Variants in HFM1 observed in about 807,000 individuals in gnomAD.
The protein encoded by HFM1 is helicase for meiosis 1.
A neutral mutation model predicts 192.1 loss-of-function variants in HFM1; 169 were observed. The ratio of observed to expected loss-of-function variants is 0.88; its 90% confidence interval spans 0.78 to 1.00. The LOEUF (loss-of-function observed/expected upper bound fraction) is 1.00, where lower values mean the gene tolerates loss of function less well. Ranked by LOEUF, HFM1 falls within the 50% of genes least tolerant of loss-of-function variation. The pLI is 0.00. For synonymous variants in HFM1, 525 were observed against 537.8 expected, an observed-to-expected ratio of 0.98 and a Z score of 0.33; for missense variants, 1,661 against 1,668.0, an observed-to-expected ratio of 1.00 and a Z score of 0.07.
At chr1:91,285,538 G>C (rs1298676943) in intron 30 of HFM1, among the ~76,000 whole-genome samples, 3 of 152,152 alleles carry the variant, frequency 2.0e-5, no homozygotes, top group African/African-American at 7.2e-5. Context: ...AATTGTGTCA[G>C]TTACTAAGAA....
rs142253234 is a variant in HFM1, at chr1:91,315,835, T to G, written c.3120A>C (p.Val1040=). ...CTTACGTAATCTTGTGCAGATAAAC[T>G]ACTTGATTATCTGCGTCACCTATGA... is the stretch of plus-strand genomic sequence containing the variant. ...TLIIGDADNQ[V]VYLHKITDSV... Residue 1040 remains valine, a synonymous_variant, in exon 28 of 39, where the codon GTA becomes GTC. Transcript: ENST00000370425. The G allele has an allele frequency of 5.2e-4, 832 of 1,609,730 alleles. No individual in the cohort carries two copies. The highest frequency in any genetic ancestry group is 6.7e-4 in the Non-Finnish European group (786 of 1,177,336).
At chr1:91,289,336 G>A (rs1668429439) in intron 30 of HFM1, among the ~76,000 whole-genome samples, 1 of 151,866 alleles carries the variant, frequency 6.6e-6, no homozygotes, top group Non-Finnish European at 1.5e-5. Context: ...TCACTTCCTA[G>A]ACGGGATGAC....
intron 9 of HFM1, 32 bp from the exon 10 acceptor site, chr1:91,378,512 A>C (rs757521306): frequency 7.9e-6 from 10 of 1,262,966 alleles, no homozygotes; most frequent in Non-Finnish European, 1.2e-5. Flanking sequence ...CAAGTAGTTT[A>C]ATGTGATAAG....
chr1:91,358,539 AT>A (rs1658049933), intron 13 of HFM1, among the ~76,000 whole-genome samples: 1 of 152,294 alleles, frequency 6.6e-6, no homozygotes, highest in Admixed American at 6.5e-5. Context: ...ACCAAAAAAA[AT>A]GGGGAAACAA....
intron 30 of HFM1, among the ~76,000 whole-genome samples, chr1:91,288,970 C>A (rs1668361640): frequency 1.3e-5 from 2 of 151,638 alleles, no homozygotes; most frequent in East Asian, 2.0e-4. Flanking sequence ...AGGCGCCCCC[C>A]ACCTCCCGGA....
At chr1:91,276,840 T>A (rs1666867916) in intron 31 of HFM1, 97 bp from the exon 32 acceptor site, 1 of 818,230 alleles carries the variant, frequency 1.2e-6, no homozygotes, top group South Asian at 2.0e-5. Context: ...ATTTACTTTT[T>A]TCATGTTGCC....
chr1:91,405,240 C>G (rs993299665), upstream of HFM1, among the ~76,000 whole-genome samples: 1 of 152,094 alleles, frequency 6.6e-6, no homozygotes, highest in Non-Finnish European at 1.5e-5. Flanking sequence ...GAACTTGATT[C>G]AGAAATAAAG....
Position 91,276,763 on chromosome 1 carries a change from A to T in HFM1, c.3473-20T>A. The T allele has an allele frequency of 5.2e-6, 6 of 1,153,112 alleles. No homozygotes were observed. Among genetic ancestry groups the T allele is most frequent in the Non-Finnish European group, 7.4e-6 (6 of 812,326 alleles). The allele number at this position is 1,153,112 out of a possible 1,614,324, so 71.4% of individuals were successfully genotyped here. On this transcript the variant is annotated intron_variant, in intron 31 of 38. Coordinates refer to ENST00000370425, the MANE Select transcript of HFM1 (RefSeq NM_001017975.6). ...TTTTACCTATGAAAAGAAACTTCAG[A>T]TTCTTTAGGTTAAACTTCAGATCTT... is the stretch of plus-strand genomic sequence containing the variant.
chr1:91,313,437 T>C lies in HFM1; in HGVS notation c.3303A>G (p.Gly1101=), dbSNP rs1162317771. The C allele has an allele frequency of 1.9e-6, 3 of 1,602,048 alleles. No individual in the cohort carries two copies. The highest frequency in any genetic ancestry group is 1.7e-6 in the Non-Finnish European group (2 of 1,172,056). The change falls in exon 30 of 39, where the codon GGA becomes GGG. Residue 1101 remains glycine (G), a synonymous_variant. Coordinates refer to ENST00000370425, the MANE Select transcript of HFM1 (RefSeq NM_001017975.6). ...TVFYLEPKRF[G]NQITMQRKSE... is the part of the protein sequence containing the mutation. Reference sequence around the variant, plus strand: ...ATTTTCTTTGCATAGTGATTTGATTTCCAAACCTCTTGGGTTCTAAGTAAA... The same window carrying C: ...ATTTTCTTTGCATAGTGATTTGATTCCCAAACCTCTTGGGTTCTAAGTAAA...
intron 13 of HFM1, among the ~76,000 whole-genome samples, chr1:91,366,893 C>T (rs553904280): frequency 2.6e-5 from 4 of 152,220 alleles, no homozygotes; most frequent in Non-Finnish European, 5.9e-5. Context: ...CCTGGAAAAT[C>T]GGGTCACTCC....
intron 1 of HFM1, among the ~76,000 whole-genome samples, chr1:91,404,319 C>T (rs1216404534): frequency 6.6e-6 from 1 of 152,220 alleles, no homozygotes; most frequent in African/African-American, 2.4e-5. Context: ...CCTTAGGGCC[C>T]CGAGAGTGGC....
At chr1:91,356,710 C>A in intron 13 of HFM1, among the ~76,000 whole-genome samples, 1 of 79,082 alleles carries the variant, frequency 1.3e-5, no homozygotes. Context: ...AAATATCTAG[C>A]TAGACTAAGG....
chr1:91,319,429 G>T, intron 23 of HFM1, 39 bp from the exon 24 acceptor site: 3 of 1,254,726 alleles, frequency 2.4e-6, no homozygotes, highest in South Asian at 2.4e-5. Context: ...CCTTTTAAGG[G>T]TTATCTATCT....
intron 4 of HFM1, among the ~76,000 whole-genome samples, chr1:91,386,709 TATTTAA>T (rs200598747): frequency 0.099 from 15,114 of 152,156 alleles, 791 homozygotes; most frequent in East Asian, 0.16. Context: ...CACCTAATAG[TATTTAA>T]ATTTAACTGA....
chr1:91,295,496 C>A (rs1055720955), intron 30 of HFM1, among the ~76,000 whole-genome samples: 2 of 152,164 alleles, frequency 1.3e-5, no homozygotes, highest in African/African-American at 4.8e-5. Context: ...TATAAGAACA[C>A]CAGGCATATT....
At chr1:91,407,782 T>G (rs1284006634), upstream of HFM1, among the ~76,000 whole-genome samples, 1 of 152,122 alleles carries the variant, frequency 6.6e-6, no homozygotes, top group Non-Finnish European at 1.5e-5. Flanking sequence ...TACCTAGGAG[T>G]GGAATTGCTG....
rs534387149 is a variant in HFM1 at position 91,293,059 on chromosome 1, G to T, written c.3392-15997C>A. On this transcript the variant is annotated intron_variant, in intron 30 of 38. Coordinates refer to ENST00000370425, the MANE Select transcript of HFM1 (RefSeq NM_001017975.6). ...CCTTATACAAAAATTAATTCAAGATGGATTAAAGACTTGAACGTTAGACCT... is the reference window on the plus strand; with the variant it reads ...CCTTATACAAAAATTAATTCAAGATTGATTAAAGACTTGAACGTTAGACCT... Among the ~76,000 whole-genome samples, 166 of 152,184 alleles carry T rather than the reference G, an allele frequency of 1.1e-3. 1 individual carries two copies. In the East Asian group the frequency reaches 0.026, roughly 24 times the overall value.
At chr1:91,334,388 A>G (rs1191100549) in intron 20 of HFM1, among the ~76,000 whole-genome samples, 1 of 152,202 alleles carries the variant, frequency 6.6e-6, no homozygotes, top group African/African-American at 2.4e-5. Context: ...TGTGTTACCT[A>G]TTTTTATTAT....
At chr1:91,310,076 G>GT (rs1320872091) in intron 30 of HFM1, among the ~76,000 whole-genome samples, 1 of 151,946 alleles carries the variant, frequency 6.6e-6, no homozygotes, top group Non-Finnish European at 1.5e-5. Flanking sequence ...GGACTCAGGA[G>GT]TTAATCTGGT....
Sources: gnomAD v4.1 joint callset for allele counts (sites outside exome capture counted in the v4.1 genomes callset) on GRCh38, gnomAD v4.1.1 for gene constraint, MANE v1.5 for transcripts, NCBI Gene and HGNC (gene_info 2026-07-23, HGNC 2026-07-21) for gene names.